The following MYO18B variants were observed in gnomAD, a reference collection of about 807,000 sequenced individuals.
MYO18B encodes unconventional myosin-XVIIIb.
A neutral mutation model predicts 273.0 loss-of-function variants in MYO18B; 204 were observed. The observed-to-expected ratio is 0.75, with a 90% CI of 0.67 to 0.84. MYO18B has a LOEUF of 0.84. Among genes scored for constraint, MYO18B ranks in the 40% least tolerant of loss-of-function variants. The pLI, the probability that MYO18B is intolerant of heterozygous loss-of-function variation, is 0.00. For missense variants in MYO18B, 3,212 were observed against 3,287.6 expected, an observed-to-expected ratio of 0.98 and a Z score of 0.56; for synonymous variants, 1,330 against 1,305.7, an observed-to-expected ratio of 1.02 and a Z score of -0.40.
intron 34 of MYO18B, among the ~76,000 whole-genome samples, chr22:25,942,888 C>A (rs1003836101): frequency 6.6e-6 from 1 of 151,982 alleles, no homozygotes; most frequent in Admixed American, 6.6e-5. Context: ...ATAAGTCGTC[C>A]CTCTCTCTGC....
chr22:25,979,689 T>C (rs928297816), intron 39 of MYO18B, among the ~76,000 whole-genome samples: 6 of 152,320 alleles, frequency 3.9e-5, no homozygotes, highest in African/African-American at 1.4e-4. Context: ...TAGCAAGAGC[T>C]TTAAGGAACT....
intron 3 of MYO18B, among the ~76,000 whole-genome samples, chr22:25,764,813 G>A (rs976212702): frequency 4.6e-5 from 7 of 152,214 alleles, no homozygotes. Context: ...CTGCTCATGG[G>A]CTCATTTAAT....
intron 3 of MYO18B, 67 bp downstream of exon 3, chr22:25,763,456 C>A: frequency 6.5e-7 from 1 of 1,527,622 alleles, no homozygotes; most frequent in South Asian, 1.3e-5. Context: ...TGTGAGCTTC[C>A]TCTGAGTCAT....
intron 39 of MYO18B, among the ~76,000 whole-genome samples, chr22:25,987,345 C>T (rs1166920776): frequency 6.6e-6 from 1 of 152,130 alleles, no homozygotes; most frequent in African/African-American, 2.4e-5. Context: ...TGATATGCTC[C>T]AGAGGGAGTA....
intron 38 of MYO18B, among the ~76,000 whole-genome samples, chr22:25,954,722 A>T (rs1031185253): frequency 2.2e-4 from 34 of 151,808 alleles, no homozygotes; most frequent in African/African-American, 8.2e-4. Context: ...TTATTTATTT[A>T]TTTTTTCGAG....
At chr22:25,804,011 T>C (rs996563720) in intron 12 of MYO18B, among the ~76,000 whole-genome samples, 45 of 95,754 alleles carry the variant, frequency 4.7e-4, no homozygotes, top group Admixed American at 1.1e-3. Flanking sequence ...CACACACACA[T>C]ATTTTATAGA....
chr22:25,866,887 C>T (rs1308939130), intron 21 of MYO18B, among the ~76,000 whole-genome samples: 1 of 150,872 alleles, frequency 6.6e-6, no homozygotes, highest in Non-Finnish European at 1.5e-5. Context: ...GGTTATTGAC[C>T]ATGTCATTTA....
chr22:26,004,355 G>A (rs1304678732), intron 41 of MYO18B, among the ~76,000 whole-genome samples: 6 of 152,150 alleles, frequency 3.9e-5, no homozygotes, highest in African/African-American at 1.4e-4. Context: ...CAAATTCAAT[G>A]CCAAACTTTA....
At chr22:25,915,197 A>G (rs556367480) in intron 33 of MYO18B, among the ~76,000 whole-genome samples, 1 of 152,272 alleles carries the variant, frequency 6.6e-6, no homozygotes, top group South Asian at 2.1e-4. Context: ...GTTTTGTGAT[A>G]CACATATTTG....
Position 25,868,713 on chromosome 22 carries a change from G to A in MYO18B, c.3951+328G>A, listed in dbSNP as rs184335052. On this transcript the variant is annotated intron_variant, in intron 22 of 43. Coordinates refer to ENST00000335473, the MANE Select transcript of MYO18B (RefSeq NM_032608.7). Reference sequence around the variant, plus strand: ...GCTGCCATAAAACCTGAGAAGAACTGCTCATCTTCACTCACAGCCTTTTAA... The same window carrying A: ...GCTGCCATAAAACCTGAGAAGAACTACTCATCTTCACTCACAGCCTTTTAA... 5.3e-3 allele frequency among the ~76,000 whole-genome samples: 807 copies of A among 152,250 alleles called. 7 individuals are homozygous for A. The highest frequency in any genetic ancestry group is 0.023 in the South Asian group (109 of 4,818).
chr22:25,924,156 C>T (rs774727399), intron 34 of MYO18B, among the ~76,000 whole-genome samples: 4 of 152,220 alleles, frequency 2.6e-5, no homozygotes, highest in Non-Finnish European at 4.4e-5. Context: ...TCCCAGATGC[C>T]AGAGTCAGAG....
chr22:25,758,632 G>A (rs1354027399), intron 1 of MYO18B, among the ~76,000 whole-genome samples: 1 of 152,132 alleles, frequency 6.6e-6, no homozygotes, highest in Non-Finnish European at 1.5e-5. Context: ...TTCCGTTATA[G>A]CGAATGTCCA....
intron 12 of MYO18B, among the ~76,000 whole-genome samples, chr22:25,799,007 A>G (rs915455501): frequency 2.0e-5 from 3 of 152,082 alleles, no homozygotes; most frequent in African/African-American, 4.8e-5. Flanking sequence ...GGTTCCTGCC[A>G]TCCCCCTAGT....
chr22:25,817,374 TCTCC>T (rs149628916), intron 12 of MYO18B, among the ~76,000 whole-genome samples: 1,466 of 140,512 alleles, frequency 0.01, 31 homozygotes, highest in African/African-American at 0.03. Context: ...TCTCCTTCCT[TCTCC>T]CTCCCTCCCT....
chr22:25,985,770 C>T (rs1410663911), intron 39 of MYO18B, among the ~76,000 whole-genome samples: 6 of 152,090 alleles, frequency 3.9e-5, no homozygotes, highest in African/African-American at 1.4e-4. Context: ...GCTGGGACTA[C>T]AGGTGCATGC....
Position 25,800,900 on chromosome 22 carries a change from A to G in MYO18B, c.2521+2803A>G, listed in dbSNP as rs931482888. Among the ~76,000 whole-genome samples, 10 of 152,346 alleles carry G rather than the reference A, an allele frequency of 6.6e-5. 1 individual carries two copies. The Middle Eastern group carries it at 0.01, about 155-fold the overall frequency. ...ATTTTACTAATACTTGATGATGGCA[A>G]TAATTTCTGCCAGTCCTCCCCCTAT... On this transcript the variant is annotated intron_variant, in intron 12 of 43. Coordinates refer to ENST00000335473, the MANE Select transcript of MYO18B (RefSeq NM_032608.7).
At chr22:25,772,880 T>A (rs1409393373) in intron 7 of MYO18B, among the ~76,000 whole-genome samples, 1 of 152,144 alleles carries the variant, frequency 6.6e-6, no homozygotes, top group African/African-American at 2.4e-5. Context: ...ATTTTACAGA[T>A]GAGAAGAGCC....
chr22:25,998,923 A>G (rs1183507000), intron 40 of MYO18B, among the ~76,000 whole-genome samples: 1 of 152,164 alleles, frequency 6.6e-6, no homozygotes, highest in Non-Finnish European at 1.5e-5. Flanking sequence ...TAGCCCATAT[A>G]TCCAGCTAGT....
chr22:25,969,226 T>G (rs1329075398), intron 39 of MYO18B, among the ~76,000 whole-genome samples: 1 of 152,186 alleles, frequency 6.6e-6, no homozygotes, highest in Non-Finnish European at 1.5e-5. Flanking sequence ...CAGAGAGATA[T>G]CCCTTGCTTA....
Sources: allele counts gnomAD v4.1 joint callset (sites outside exome capture counted in the v4.1 genomes callset), GRCh38; gene constraint gnomAD v4.1.1; transcripts MANE v1.5; gene names NCBI Gene and HGNC (gene_info 2026-07-23, HGNC 2026-07-21).